The following ADCY1 variants were observed in gnomAD, a reference collection of about 807,000 sequenced individuals.
The protein encoded by ADCY1 is adenylate cyclase 1, also known as adenylate cyclase type 1.
ADCY1 carries 28 observed loss-of-function variants against 105.4 expected under a neutral mutation model. The ratio of observed to expected loss-of-function variants is 0.27; its 90% CI spans 0.20 to 0.36. The LOEUF is 0.36. Ranked by LOEUF, ADCY1 falls within the 10% of genes least tolerant of loss-of-function variation. The pLI is 1.00. For synonymous variants in ADCY1, 655 were observed against 623.8 expected (o/e 1.05, Z -0.75); for missense variants, 977 against 1,434.2 (o/e 0.68, Z 5.15).
Position 45,678,451 on chromosome 7 carries a change from T to C in ADCY1, c.1898+188T>C, listed in dbSNP as rs552820379. 4.6e-5 allele frequency among the ~76,000 whole-genome samples: 7 copies of C among 152,276 alleles called. No homozygotes were observed. The East Asian group carries it at 5.8e-4, about 13-fold the overall frequency. On this transcript the variant is annotated intron_variant, in intron 10 of 19. Coordinates refer to ENST00000297323, the MANE Select transcript of ADCY1 (RefSeq NM_021116.4). ...GCCATCATTTCCTCATTTTCTCAAGTCAGTAGTGTAACAAGCCTTGATGGT... is the reference window on the plus strand; with the variant it reads ...GCCATCATTTCCTCATTTTCTCAAGCCAGTAGTGTAACAAGCCTTGATGGT...
chr7:45,692,725 T>C (rs1422662244), intron 14 of ADCY1, among the ~76,000 whole-genome samples: 2 of 152,200 alleles, frequency 1.3e-5, no homozygotes, highest in African/African-American at 4.8e-5. Flanking sequence ...TAACTGCAGA[T>C]GGTGATAGAT....
intron 2 of ADCY1, among the ~76,000 whole-genome samples, chr7:45,608,847 G>C (rs1198093349): frequency 1.3e-5 from 2 of 152,114 alleles, no homozygotes; most frequent in African/African-American, 2.4e-5. Context: ...ACTGCAGTGG[G>C]GCCCTTGGTG....
chr7:45,599,085 GC>G (rs1793151832), intron 2 of ADCY1, among the ~76,000 whole-genome samples: 1 of 152,246 alleles, frequency 6.6e-6, no homozygotes, highest in South Asian at 2.1e-4. Context: ...TGTGCTGTCA[GC>G]CCCCTGCCAT....
At position 45,714,168 on chromosome 7, in the gene ADCY1, A is replaced by G; in HGVS notation, c.*173A>G. 1.7e-6 allele frequency: 1 copy of G among 598,708 alleles called. No individual in the cohort carries two copies. Among genetic ancestry groups the G allele is most frequent in the South Asian group, 2.0e-5 (1 of 49,618 alleles). 37.1% of individuals were successfully genotyped at this position (598,708 alleles called of 1,614,324 possible). A position where few individuals can be genotyped will look rare whatever the true frequency, so the allele number is the denominator to read the frequency against. ...CCTGTGGCCCGAGGGCCAACCACCG[A>G]GCAGGCACAGCACAGCAGTGACTCG... On this transcript the variant is annotated 3_prime_UTR_variant, in exon 20 of 20. Transcript: ENST00000297323.
At chr7:45,624,949 T>C (rs1008097347) in intron 4 of ADCY1, among the ~76,000 whole-genome samples, 2 of 152,228 alleles carry the variant, frequency 1.3e-5, no homozygotes, top group African/African-American at 4.8e-5. Context: ...AGGACCCACG[T>C]TGGGTCAGCC....
chr7:45,593,873 G>T (rs570459467), intron 2 of ADCY1, among the ~76,000 whole-genome samples: 60 of 152,382 alleles, frequency 3.9e-4, no homozygotes, highest in Admixed American at 1.8e-3. Flanking sequence ...ACATATGTAT[G>T]TTTAGGTGGT....
rs1785435208 is a variant in ADCY1, at chr7:45,719,840, T to A, written c.*5845T>A. The A allele has an allele frequency of 6.6e-6, 1 of 152,218 alleles. No homozygotes were observed. The highest frequency in any genetic ancestry group is 2.4e-5 in the African/African-American group (1 of 41,456). 9.4% of individuals were successfully genotyped at this position (152,218 alleles called of 1,614,324 possible). On this transcript the variant is annotated 3_prime_UTR_variant, in exon 20 of 20. Transcript: ENST00000297323. ...GTGATTTCCCTCAGAAAATCCTTGT[T>A]ATTAGAGGAGAAGGTCTGGGCAGGG...
intron 4 of ADCY1, among the ~76,000 whole-genome samples, chr7:45,642,918 G>GA (rs1282400143): frequency 3.3e-5 from 5 of 152,022 alleles, no homozygotes; most frequent in Admixed American, 3.3e-4. Flanking sequence ...CAGCTATTTG[G>GA]TTATTCTCAA....
At chr7:45,659,921 C>T (rs555679361) in intron 6 of ADCY1, 121 bp from the exon 7 acceptor site, 55 of 1,284,064 alleles carry the variant, frequency 4.3e-5, no homozygotes, top group African/African-American at 2.7e-4. Flanking sequence ...GAATACTCCC[C>T]GTGGAGCCTG....
chr7:45,586,430 A>G (rs751092300), intron 1 of ADCY1, among the ~76,000 whole-genome samples: 2 of 152,196 alleles, frequency 1.3e-5, no homozygotes, highest in African/African-American at 2.4e-5. Flanking sequence ...TTTTATTTTT[A>G]TTATGGAAAA....
chr7:45,589,109 A>T (rs1011718827), intron 1 of ADCY1, among the ~76,000 whole-genome samples: 1 of 152,066 alleles, frequency 6.6e-6, no homozygotes, highest in Non-Finnish European at 1.5e-5. Flanking sequence ...GTGCAGGCAG[A>T]AGGCAGGGCT....
intron 5 of ADCY1, among the ~76,000 whole-genome samples, chr7:45,656,137 A>T (rs1481153326): frequency 6.6e-6 from 1 of 151,702 alleles, no homozygotes; most frequent in Non-Finnish European, 1.5e-5. Context: ...AATACAAAAA[A>T]AAAATAAAAA....
rs552474797 is a variant in ADCY1 at position 45,709,421 on chromosome 7, C to A, written c.2932+957C>A. ...AAGGATCTCTCGGGGCCCTTCTGCC[C>A]ATCAGGCCGGTGCTAGCCTAGTGTT... On this transcript the variant is annotated intron_variant, in intron 18 of 19. Transcript: ENST00000297323. Among the ~76,000 whole-genome samples, 5 of 152,352 alleles carry A rather than the reference C, an allele frequency of 3.3e-5. No homozygotes were observed. The East Asian group carries it at 9.6e-4, about 29-fold the overall frequency.
intron 1 of ADCY1, among the ~76,000 whole-genome samples, chr7:45,584,411 G>A (rs187493057): frequency 1.8e-4 from 27 of 152,344 alleles, no homozygotes; most frequent in Admixed American, 1.4e-3. Flanking sequence ...TCACATGTCC[G>A]AGTGTGGAGA....
At position 45,660,276 on chromosome 7, in the gene ADCY1, G is replaced by T. The variant is rs1017461728; in HGVS notation, c.1449+93G>T. ...GTGACTCCTCCTGCTTCCTCTCCAAGCACTGCTTCTCTGGGCTGTGAACTT... is the reference window on the plus strand; with the variant it reads ...GTGACTCCTCCTGCTTCCTCTCCAATCACTGCTTCTCTGGGCTGTGAACTT... On this transcript the variant is annotated intron_variant, in intron 7 of 19. Coordinates refer to ENST00000297323, the MANE Select transcript of ADCY1 (RefSeq NM_021116.4). 3 of 1,518,848 alleles carry T rather than the reference G, an allele frequency of 2.0e-6. No homozygotes were observed. The Admixed American group carries it at 5.4e-5, about 27-fold the overall frequency. The allele number at this position is 1,518,848 out of a possible 1,614,324, so 94.1% of individuals were successfully genotyped here.
chr7:45,694,530 A>G (rs1156996719), intron 14 of ADCY1, among the ~76,000 whole-genome samples: 1 of 152,238 alleles, frequency 6.6e-6, no homozygotes, highest in Non-Finnish European at 1.5e-5. Flanking sequence ...GTCTCTCTCA[A>G]ATCACCTTAA....
intron 8 of ADCY1, chr7:45,664,410 G>A (rs1382957747): frequency 2.6e-6 from 4 of 1,535,786 alleles, no homozygotes; most frequent in Non-Finnish European, 3.5e-6. Flanking sequence ...TGTCACCAGT[G>A]CTGCAAGGAT....
At chr7:45,667,321 G>A (rs1324192028) in intron 8 of ADCY1, among the ~76,000 whole-genome samples, 2 of 152,170 alleles carry the variant, frequency 1.3e-5, no homozygotes, top group African/African-American at 4.8e-5. Context: ...CGTAAGGAAG[G>A]GGTCCAGTTT....
At chr7:45,653,354 C>G (rs1794859724) in intron 5 of ADCY1, among the ~76,000 whole-genome samples, 2 of 152,188 alleles carry the variant, frequency 1.3e-5, no homozygotes, top group African/African-American at 4.8e-5. Context: ...CTGCTGCAGC[C>G]AGGCTGACAA....
Sources: gnomAD v4.1 joint callset for allele counts (sites outside exome capture counted in the v4.1 genomes callset) on GRCh38, gnomAD v4.1.1 for gene constraint, MANE v1.5 for transcripts, NCBI Gene and HGNC (gene_info 2026-07-23, HGNC 2026-07-21) for gene names.